FRMPD2: variants seen among roughly 807,000 people sequenced by gnomAD.
FRMPD2 encodes the protein FERM and PDZ domain-containing protein 2.
Under a neutral mutation model 140.1 loss-of-function variants are expected in FRMPD2, and 96 were observed. The observed-to-expected ratio is 0.69, with a 90% CI of 0.58 to 0.81. FRMPD2 has a LOEUF of 0.81. FRMPD2 is among the 40% of genes least tolerant of loss of function. The probability of loss-of-function intolerance (pLI) is 0.00; values close to 1 mark genes in which losing one functional copy is unlikely to be tolerated. For synonymous variants in FRMPD2, 449 were observed against 547.6 expected, an observed-to-expected ratio of 0.82 and a Z score of 2.52; for missense variants, 1,240 against 1,447.4, an observed-to-expected ratio of 0.86 and a Z score of 2.32.
intron 28 of FRMPD2, among the ~76,000 whole-genome samples, chr10:48,159,407 A>G (rs1423552628): frequency 4.0e-5 from 6 of 151,446 alleles, no homozygotes; most frequent in Non-Finnish European, 8.8e-5. Context: ...GTGTAAAGAG[A>G]ATCCTGCTAG....
intron 12 of FRMPD2, among the ~76,000 whole-genome samples, chr10:48,212,694 A>G (rs990715305): frequency 6.6e-6 from 1 of 152,186 alleles, no homozygotes; most frequent in African/African-American, 2.4e-5. Flanking sequence ...TTCAAGGAGT[A>G]GCCCCCTGGA....
chr10:48,213,536 T>C (rs1839378089), intron 12 of FRMPD2, among the ~76,000 whole-genome samples: 2 of 152,240 alleles, frequency 1.3e-5, no homozygotes, highest in Admixed American at 1.3e-4. Context: ...CAGATGTTTA[T>C]AACAGCCTTA....
chr10:48,214,700 A>C (rs1336236755), intron 12 of FRMPD2, among the ~76,000 whole-genome samples: 1 of 152,216 alleles, frequency 6.6e-6, no homozygotes, highest in Non-Finnish European at 1.5e-5. Flanking sequence ...GGACTGAAAA[A>C]GCTCTGCGGT....
chr10:48,195,280 T>C (rs1339954313), intron 15 of FRMPD2, among the ~76,000 whole-genome samples: 1 of 152,238 alleles, frequency 6.6e-6, no homozygotes, highest in East Asian at 1.9e-4. Context: ...AGATCCTGCC[T>C]ATTTAGTCCT....
At chr10:48,272,303 C>T (rs1326691100) in intron 1 of FRMPD2, among the ~76,000 whole-genome samples, 2 of 152,154 alleles carry the variant, frequency 1.3e-5, no homozygotes. Context: ...CTGAAGAAGG[C>T]TCCTACTGGC....
At chr10:48,243,042 A>C (rs1203966643) in intron 4 of FRMPD2, among the ~76,000 whole-genome samples, 1 of 152,246 alleles carries the variant, frequency 6.6e-6, no homozygotes, top group Non-Finnish European at 1.5e-5. Flanking sequence ...TAAAGGCTGC[A>C]CTACCGCTTC....
chr10:48,222,346 G>T lies in FRMPD2; in HGVS notation c.1422C>A (p.Ala474=). ...GGTAATTGCCAAACTCAGCCTGCAA[G>T]GCAAGGACCCCCAGCTGCAGCAGTA... is the stretch of plus-strand genomic sequence containing the variant. The part of the protein sequence containing the change: ...EEILLQLGVL[A]LQAEFGNYPK... The change falls in exon 12 of 29, where the codon GCC becomes GCA. Residue 474 remains alanine, a synonymous_variant. Coordinates refer to ENST00000374201, the MANE Select transcript of FRMPD2 (RefSeq NM_001018071.4). 1 of 1,614,154 alleles carries T rather than the reference G, an allele frequency of 6.2e-7. No individual in the cohort carries two copies. Among genetic ancestry groups the T allele is most frequent in the Non-Finnish European group, 8.5e-7 (1 of 1,180,000 alleles).
chr10:48,160,061 A>G (rs1472129676), intron 28 of FRMPD2, among the ~76,000 whole-genome samples: 2 of 151,516 alleles, frequency 1.3e-5, no homozygotes, highest in African/African-American at 4.9e-5. Flanking sequence ...TTCCAAAGTG[A>G]TGTTTCAAGG....
chr10:48,236,626 T>G, intron 8 of FRMPD2, 73 bp from the exon 9 acceptor site: 1 of 1,343,794 alleles, frequency 7.4e-7, no homozygotes, highest in Non-Finnish European at 1.1e-6. Flanking sequence ...TCCCCCATGA[T>G]GCACCTCTGC....
Position 48,201,377 on chromosome 10 carries a change from T to A in FRMPD2, c.1805A>T (p.Lys602Met). 6.2e-7 allele frequency: 1 copy of A among 1,612,076 alleles called. No individual in the cohort carries two copies. Among genetic ancestry groups the A allele is most frequent in the Non-Finnish European group, 8.5e-7 (1 of 1,178,820 alleles). ...ETGKISTYQK[K>M]FTITSSVTGK... is the part of the protein sequence containing the mutation. ...AGTGACACTGCTTGTGATGGTGAAC[T>A]TTTTTTGCTGAAGGAAGCAAACACA... Residue 602 changes from lysine (K) to methionine (M), a missense_variant, in exon 15 of 29, where the codon AAG becomes ATG. Around this residue, in one of 6 missense-constraint regions of FRMPD2, gnomAD observed 1,161 missense variants for 1,055.9 expected, o/e 1.10. Coordinates refer to ENST00000374201, the MANE Select transcript of FRMPD2 (RefSeq NM_001018071.4).
intron 1 of FRMPD2, among the ~76,000 whole-genome samples, chr10:48,271,408 C>G (rs200963853): frequency 1.8e-4 from 28 of 152,334 alleles, no homozygotes; most frequent in Admixed American, 1.4e-3. Context: ...TACATTTACT[C>G]TCCAGCCAGA....
chr10:48,223,396 A>G, intron 10 of FRMPD2, 126 bp from the exon 11 acceptor site: 1 of 833,304 alleles, frequency 1.2e-6, no homozygotes, highest in Non-Finnish European at 1.8e-6. Flanking sequence ...AGTGGGAGGT[A>G]AGTCTTTGCG....
chr10:48,203,856 C>T (rs1004788854), intron 14 of FRMPD2, among the ~76,000 whole-genome samples: 1 of 152,174 alleles, frequency 6.6e-6, no homozygotes, highest in Non-Finnish European at 1.5e-5. Flanking sequence ...TCTTTCTACT[C>T]AGACACACCC....
intron 9 of FRMPD2, among the ~76,000 whole-genome samples, chr10:48,233,438 C>T (rs2131928564): frequency 6.6e-6 from 1 of 152,226 alleles, no homozygotes; most frequent in East Asian, 1.9e-4. Context: ...GTAAAGCTTC[C>T]CAAGGTGATT....
intron 5 of FRMPD2, 65 bp downstream of exon 5, chr10:48,242,096 A>T (rs1035598849): frequency 2.7e-5 from 31 of 1,151,498 alleles, no homozygotes; most frequent in Non-Finnish European, 3.8e-5. Context: ...AATATAACTA[A>T]TTCAAATTTT....
rs554530970 is a variant in FRMPD2, at chr10:48,249,534, C to CTGTT, written c.152-360_152-357dup. On this transcript the variant is annotated intron_variant, in intron 2 of 28. Transcript: ENST00000374201. ...AGCTGGTCTTCTGGGAGCTCCGTAG[C>CTGTT]TGTTCATCAGAACCTCCAGGGTGGG... Among the ~76,000 whole-genome samples the CTGTT allele has an allele frequency of 2.8e-4, 43 of 152,328 alleles. No homozygotes were observed. In the South Asian group the frequency reaches 8.7e-3, roughly 31 times the overall value.
chr10:48,191,236 G>A (rs1302612344), intron 16 of FRMPD2, among the ~76,000 whole-genome samples: 1 of 152,134 alleles, frequency 6.6e-6, no homozygotes, highest in African/African-American at 2.4e-5. Flanking sequence ...GGGGCTCCGT[G>A]AGCACTGCCT....
At chr10:48,201,177 T>C (rs754915808) in intron 15 of FRMPD2, 51 bp downstream of exon 15, 22 of 1,410,642 alleles carry the variant, frequency 1.6e-5, no homozygotes, top group Non-Finnish European at 2.1e-5. Flanking sequence ...AATTATTTTA[T>C]GAAATAACAA....
chr10:48,240,942 C>T (rs942437742), intron 5 of FRMPD2, among the ~76,000 whole-genome samples: 1 of 152,322 alleles, frequency 6.6e-6, no homozygotes, highest in South Asian at 2.1e-4. Context: ...TATGCACCAC[C>T]GTAGCACACC....
Sources: gnomAD v4.1 joint callset for allele counts (sites outside exome capture counted in the v4.1 genomes callset) on GRCh38, gnomAD v4.1.1 for gene constraint, gnomAD v4.1.1 regional missense constraint, MANE v1.5 for transcripts, NCBI Gene and HGNC (gene_info 2026-07-23, HGNC 2026-07-21) for gene names.